Variants in ATR observed in about 807,000 individuals in gnomAD.
The protein encoded by ATR is serine/threonine-protein kinase ATR.
A neutral mutation model predicts 305.3 loss-of-function variants in ATR; 142 were observed. That is an observed-to-expected ratio of 0.47 (90% confidence interval 0.41 to 0.53). ATR has a LOEUF of 0.53. Among genes scored for constraint, ATR ranks in the 20% least tolerant of loss-of-function variants. ATR has a pLI of 0.00. For synonymous variants in ATR, 1,050 were observed against 1,068.1 expected (o/e 0.98, Z 0.33); for missense variants, 2,135 against 3,133.1 (o/e 0.68, Z 7.60).
rs6148111 is a variant in ATR at position 142,496,278 on chromosome 3, CTATATATATATATATATA to C, written c.5898+65_5898+82del. The C allele has an allele frequency of 1.8e-3, 209 of 115,070 alleles. 4 individuals are homozygous for C. Among genetic ancestry groups the C allele is most frequent in the African/African-American group, 4.5e-3 (85 of 19,056 alleles). The allele number at this position is 115,070 out of a possible 1,614,324, so 7.1% of individuals were successfully genotyped here. A position where few individuals can be genotyped will look rare whatever the true frequency, so the allele number is the denominator to read the frequency against. Reference sequence around the variant, plus strand: ...TTTTAAGGAAGTACATAATTCCCGACTATATATATATATATATATATATATATATATATATATATATAT... The same window carrying C: ...TTTTAAGGAAGTACATAATTCCCGACTATATATATATATATATATATATAT... On this transcript the variant is annotated intron_variant, in intron 34 of 46. Transcript: ENST00000350721.
chr3:142,538,221 A>C (rs2033925594), intron 19 of ATR, among the ~76,000 whole-genome samples: 1 of 152,212 alleles, frequency 6.6e-6, no homozygotes. Flanking sequence ...AAGGTAAATT[A>C]GGTTACACAT....
At position 142,512,311 on chromosome 3, in the gene ATR, C is replaced by T. The variant is rs2108371378; in HGVS notation, c.4801G>A (p.Ala1601Thr). ...WARHKFQALK[A>T]EKCPHSKSNR... is the part of the protein sequence containing the mutation. ...GATTTGCTGTGTGGACATTTCTCAG[C>T]TTTCAGTGCCTGAAATTTGTGCCTT... Residue 1601 changes from alanine (A) to threonine (T), a missense_variant, in exon 27 of 47, where the codon GCT (alanine) becomes ACT (threonine). Coordinates refer to ENST00000350721, the MANE Select transcript of ATR (RefSeq NM_001184.4). 1 of 1,612,154 alleles carries T rather than the reference C, an allele frequency of 6.2e-7. No homozygotes were observed. The highest frequency in any genetic ancestry group is 8.5e-7 in the Non-Finnish European group (1 of 1,179,198).
At chr3:142,511,621 A>C (rs564047877) in intron 27 of ATR, among the ~76,000 whole-genome samples, 1 of 152,062 alleles carries the variant, frequency 6.6e-6, no homozygotes, top group Non-Finnish European at 1.5e-5. Context: ...CTGTCACTGC[A>C]CTCCAGCCTG....
Position 142,553,328 on chromosome 3 carries a change from A to G in ATR, c.2704T>C (p.Ser902Pro), listed in dbSNP as rs146202702. Residue 902 changes from serine (S) to proline (P), a missense_variant, in exon 13 of 47, where the codon TCT becomes CCT. Physicochemically the swap from Ser to Pro is moderately conservative, Grantham distance 74 (BLOSUM62 -1). Transcript: ENST00000350721. The stretch of plus-strand genomic sequence containing the variant: ...TCTGTGTATGCTGCTCCAGAGACAG[A>G]TGCTGACTTGGATAACAAACAATGC... The part of the protein sequence containing the change: ...LLHCLLSKSA[S>P]VSGAAYTEIR... The G allele has an allele frequency of 7.0e-4, 1,132 of 1,614,068 alleles. 1 individual carries two copies. The highest frequency in any genetic ancestry group is 8.6e-4 in the Non-Finnish European group (1,009 of 1,179,986).
At chr3:142,477,647 A>G (rs537030567) in intron 36 of ATR, among the ~76,000 whole-genome samples, 2 of 152,246 alleles carry the variant, frequency 1.3e-5, no homozygotes, top group Admixed American at 1.3e-4. Context: ...CTATTGATTG[A>G]AATAGTTTCA....
chr3:142,564,170 C>T (rs562635436), intron 3 of ATR, among the ~76,000 whole-genome samples: 5 of 150,956 alleles, frequency 3.3e-5, no homozygotes, highest in Admixed American at 3.3e-4. Flanking sequence ...TGCTATTCCA[C>T]ACTTAAGGTA....
intron 16 of ATR, among the ~76,000 whole-genome samples, chr3:142,546,881 T>C (rs1370505334): frequency 6.6e-6 from 1 of 152,186 alleles, no homozygotes; most frequent in East Asian, 1.9e-4. Flanking sequence ...AGAGCCAGAC[T>C]AGAATGGGAA....
intron 20 of ATR, 113 bp downstream of exon 20, chr3:142,535,995 T>C (rs1038238560): frequency 7.8e-6 from 6 of 765,348 alleles, no homozygotes; most frequent in Non-Finnish European, 1.1e-5. Context: ...GCTATCAGAA[T>C]AGGACTATAT....
chr3:142,498,007 T>G (rs1177805678), intron 32 of ATR, among the ~76,000 whole-genome samples: 2 of 152,204 alleles, frequency 1.3e-5, no homozygotes, highest in Non-Finnish European at 2.9e-5. Flanking sequence ...ATCTCTAGTT[T>G]CATTAAGATA....
intron 21 of ATR, among the ~76,000 whole-genome samples, chr3:142,528,521 C>G (rs2033491281): frequency 6.6e-6 from 1 of 152,002 alleles, no homozygotes; most frequent in Non-Finnish European, 1.5e-5. Context: ...TTCCTGCTTT[C>G]TTATACTTTC....
rs913133549 is a variant in ATR, at chr3:142,497,208, G to T, written c.5559-16C>A. 6.2e-7 allele frequency: 1 copy of T among 1,612,260 alleles called. No homozygotes were observed. The highest frequency in any genetic ancestry group is 1.3e-5 in the African/African-American group (1 of 74,878). ...CATGTGCAATCTGAAGATAGATAGA[G>T]CCTATGTTAAAATGTTATCATATTC... On this transcript the variant is annotated splice_polypyrimidine_tract_variant and intron_variant, in intron 32 of 46. Coordinates refer to ENST00000350721, the MANE Select transcript of ATR (RefSeq NM_001184.4).
intron 14 of ATR, 73 bp from the exon 15 acceptor site, chr3:142,549,746 C>CA (rs2034407471): frequency 7.1e-7 from 1 of 1,405,488 alleles, no homozygotes; most frequent in Non-Finnish European, 9.9e-7. Context: ...AAGCTATGTG[C>CA]AAAAATATTT....
Position 142,562,306 on chromosome 3 carries a change from G to A in ATR, c.1096C>T (p.Gln366Ter). 6.2e-7 allele frequency: 1 copy of A among 1,614,054 alleles called. No individual in the cohort carries two copies. The change falls in exon 4 of 47, where the codon CAA becomes TAA. Residue 366 changes from glutamine (Q) to a stop codon, truncating the protein, a stop_gained. Coordinates refer to ENST00000350721, the MANE Select transcript of ATR (RefSeq NM_001184.4). LOFTEE classifies it high-confidence loss of function. The stretch of plus-strand genomic sequence containing the variant: ...TTTCTCACATAGACCTTCCTGACTT[G>A]TAAAGCAGATTCATACCCAGCTGGC... The part of the protein sequence containing the change: ...FVPAGYESAL[Q>*]VRKVYVRNIC...
At chr3:142,515,255 A>T in intron 25 of ATR, 140 bp downstream of exon 25, 1 of 1,099,116 alleles carries the variant, frequency 9.1e-7, no homozygotes, top group Non-Finnish European at 1.3e-6. Context: ...ATTCTCTATT[A>T]GTTAACATTT....
chr3:142,484,663 G>A (rs988447410), intron 36 of ATR, among the ~76,000 whole-genome samples: 1 of 152,182 alleles, frequency 6.6e-6, no homozygotes, highest in African/African-American at 2.4e-5. Flanking sequence ...GAAGCCAGTT[G>A]GTCAGAAGTT....
At chr3:142,569,981 G>A (rs977759202) in intron 1 of ATR, among the ~76,000 whole-genome samples, 6 of 152,146 alleles carry the variant, frequency 3.9e-5, no homozygotes, top group Non-Finnish European at 8.8e-5. Flanking sequence ...CATAATGGGT[G>A]TGAAACAGTA....
chr3:142,542,270 T>C (rs928750002), intron 17 of ATR, among the ~76,000 whole-genome samples: 8 of 152,154 alleles, frequency 5.3e-5, no homozygotes, highest in Non-Finnish European at 1.0e-4. Context: ...GACTAGATGT[T>C]GTGATGACGT....
chr3:142,462,474 C>CTT (rs201924643), intron 41 of ATR, among the ~76,000 whole-genome samples: 35 of 145,564 alleles, frequency 2.4e-4, no homozygotes, highest in Non-Finnish European at 4.2e-4. Flanking sequence ...TTTAATTTTT[C>CTT]TTTTTTTTTT....
intron 30 of ATR, among the ~76,000 whole-genome samples, chr3:142,501,515 T>G (rs1008703726): frequency 6.6e-6 from 1 of 152,042 alleles, no homozygotes; most frequent in African/African-American, 2.4e-5. Flanking sequence ...ATACAAACAG[T>G]ACTTAGAAAA....
Sources: gnomAD v4.1 joint callset for allele counts (sites outside exome capture counted in the v4.1 genomes callset) on GRCh38, gnomAD v4.1.1 for gene constraint, MANE v1.5 for transcripts, NCBI Gene and HGNC (gene_info 2026-07-23, HGNC 2026-07-21) for gene names.